Variants in NAE1 observed in about 807,000 individuals in gnomAD.
NAE1 encodes NEDD8-activating enzyme E1 regulatory subunit.
A neutral mutation model predicts 88.0 loss-of-function variants in NAE1; 59 were observed. That is an observed-to-expected ratio of 0.67 (90% CI 0.54 to 0.83). NAE1 has a LOEUF of 0.83. Ranked by LOEUF, NAE1 falls within the 40% of genes least tolerant of loss-of-function variation. NAE1 has a pLI of 0.00. For synonymous variants in NAE1, 186 were observed against 208.9 expected (o/e 0.89, Z 0.95); for missense variants, 554 against 632.8 (o/e 0.88, Z 1.34).
chr16:66,827,896 G>T, intron 1 of NAE1: 4 of 1,197,566 alleles, frequency 3.3e-6, no homozygotes, highest in South Asian at 2.5e-5. Context: ...ATGTTATCCA[G>T]ACTGGTCTTG....
intron 3 of NAE1, 67 bp downstream of exon 3, chr16:66,826,456 G>A (rs1429416490): frequency 1.1e-5 from 16 of 1,430,888 alleles, no homozygotes; most frequent in Non-Finnish European, 1.6e-5. Flanking sequence ...CCTGACTGAG[G>A]AGGTGAAGCT....
chr16:66,813,934 T>C (rs1461929910), intron 11 of NAE1, 88 bp from the exon 12 acceptor site: 29 of 1,240,008 alleles, frequency 2.3e-5, no homozygotes, highest in South Asian at 4.1e-5. Flanking sequence ...GATATGTTCT[T>C]TGAATTCTCA....
At chr16:66,810,326 G>A in intron 15 of NAE1, 48 bp downstream of exon 15, 2 of 1,436,820 alleles carry the variant, frequency 1.4e-6, no homozygotes, top group East Asian at 2.3e-5. Context: ...ATTCCCTGTG[G>A]CACATTTCTA....
At chr16:66,827,127 T>A (rs1597051673) in intron 1 of NAE1, among the ~76,000 whole-genome samples, 1 of 152,126 alleles carries the variant, frequency 6.6e-6, no homozygotes, top group African/African-American at 2.4e-5. Flanking sequence ...TTCTATTTCA[T>A]TTATTCTTTG....
intron 3 of NAE1, 57 bp from the exon 4 acceptor site, chr16:66,824,942 GT>G: frequency 6.7e-7 from 1 of 1,498,790 alleles, no homozygotes; most frequent in Non-Finnish European, 9.1e-7. Flanking sequence ...TAAAGGAAAA[GT>G]TGTTTGTAAT....
At position 66,810,875 on chromosome 16, in the gene NAE1, G is replaced by T. The variant is rs1959769350; in HGVS notation, c.1035-103C>A. 5.3e-6 allele frequency: 5 copies of T among 947,270 alleles called. No homozygotes were observed. The Admixed American group carries it at 7.8e-5, about 15-fold the overall frequency. 58.7% of individuals were successfully genotyped at this position (947,270 alleles called of 1,614,324 possible). A position where few individuals can be genotyped will look rare whatever the true frequency, so the allele number is the denominator to read the frequency against. ...TCTTTCCTTTTCATGAAAAAACACA[G>T]GTCTGACAATGTATGAAATGTGAAA... On this transcript the variant is annotated intron_variant, in intron 13 of 19. Coordinates refer to ENST00000290810, the MANE Select transcript of NAE1 (RefSeq NM_003905.4).
chr16:66,813,516 A>T (rs758569658), intron 13 of NAE1, 48 bp downstream of exon 13: 2 of 1,548,072 alleles, frequency 1.3e-6, no homozygotes, highest in African/African-American at 2.8e-5. Context: ...GTTTATCTCT[A>T]ATATAATCAG....
chr16:66,824,795 A>G (rs1367203705), intron 4 of NAE1, 60 bp downstream of exon 4: 2 of 1,441,190 alleles, frequency 1.4e-6, no homozygotes, highest in Non-Finnish European at 1.9e-6. Flanking sequence ...CTTTTCAAGC[A>G]ATCAAAACAC....
intron 9 of NAE1, 67 bp from the exon 10 acceptor site, chr16:66,817,095 A>T: frequency 6.6e-7 from 1 of 1,519,676 alleles, no homozygotes; most frequent in South Asian, 1.3e-5. Flanking sequence ...GAAAGTCTAA[A>T]GTGTCCCCCA....
At chr16:66,815,457 G>A (rs538921621) in intron 11 of NAE1, among the ~76,000 whole-genome samples, 17 of 152,126 alleles carry the variant, frequency 1.1e-4, no homozygotes, top group East Asian at 1.9e-4. Flanking sequence ...AGGCTCAAGC[G>A]ATCCTCCCAC....
rs751798129 is a variant in NAE1 at position 66,823,255 on chromosome 16, C to G, written c.373G>C (p.Val125Leu). 1 of 1,603,832 alleles carries G rather than the reference C, an allele frequency of 6.2e-7. No homozygotes were observed. The highest frequency in any genetic ancestry group is 1.1e-5 in the South Asian group (1 of 88,068). The change falls in exon 6 of 20, where the codon GTT (valine) becomes CTT (leucine). Residue 125 changes from valine to leucine, a missense_variant. Physicochemically the swap from Val to Leu is conservative, Grantham distance 32 (BLOSUM62 1). Coordinates refer to ENST00000290810, the MANE Select transcript of NAE1 (RefSeq NM_003905.4). ...NDPSFFCRFT[V>L]VVATQLPEST... is the part of the protein sequence containing the mutation. Reference sequence around the variant, plus strand: ...TCAGGAAGCTGAGTTGCAACTACAACAGTAAACCTACAGAAAAATGAGGGA... The same window carrying G: ...TCAGGAAGCTGAGTTGCAACTACAAGAGTAAACCTACAGAAAAATGAGGGA...
intron 1 of NAE1, chr16:66,827,879 TCTTA>T (rs1597052353): frequency 2.0e-6 from 2 of 982,412 alleles, no homozygotes; most frequent in Non-Finnish European, 3.1e-6. Context: ...TGATACAGGG[TCTTA>T]CTATGTTATC....
chr16:66,826,604 A>C (rs1369175587), intron 2 of NAE1, 21 bp from the exon 3 acceptor site: 1 of 1,614,144 alleles, frequency 6.2e-7, no homozygotes, highest in Non-Finnish European at 8.5e-7. Context: ...AAACAGAGTC[A>C]GTCAGGAATA....
intron 15 of NAE1, among the ~76,000 whole-genome samples, chr16:66,809,835 G>A (rs998198787): frequency 1.3e-5 from 2 of 152,098 alleles, no homozygotes; most frequent in African/African-American, 4.8e-5. Flanking sequence ...TCTTCAGATG[G>A]CATGCACAAC....
chr16:66,821,237 G>A (rs1207322216), intron 7 of NAE1, among the ~76,000 whole-genome samples: 3 of 152,156 alleles, frequency 2.0e-5, no homozygotes, highest in Non-Finnish European at 4.4e-5. Flanking sequence ...TGAAGAAGCT[G>A]TGCCTGTGGT....
At chr16:66,806,224 A>T (rs1396412942) in intron 17 of NAE1, 198 bp from the exon 18 acceptor site, 1 of 506,146 alleles carries the variant, frequency 2.0e-6, no homozygotes, top group Non-Finnish European at 3.2e-6. Flanking sequence ...TAAAAATTTG[A>T]ATTTAATTAA....
chr16:66,802,974 A>T lies in NAE1; in HGVS notation c.*35T>A. The T allele has an allele frequency of 7.6e-7, 1 of 1,318,358 alleles. No individual in the cohort carries two copies. Among genetic ancestry groups the T allele is most frequent in the Non-Finnish European group, 1.1e-6 (1 of 912,644 alleles). The allele number at this position is 1,318,358 out of a possible 1,614,324, so 81.7% of individuals were successfully genotyped here. On this transcript the variant is annotated 3_prime_UTR_variant, in exon 20 of 20. Coordinates refer to ENST00000290810, the MANE Select transcript of NAE1 (RefSeq NM_003905.4). ...ACAACCCGAAGGCAATTACAGTTTC[A>T]ATCATTAACACACTACTTAAGGTGC...
intron 1 of NAE1, among the ~76,000 whole-genome samples, chr16:66,829,929 A>G (rs1225433771): frequency 6.6e-6 from 1 of 152,208 alleles, no homozygotes; most frequent in Non-Finnish European, 1.5e-5. Context: ...TCTGTCACCC[A>G]GGCTGGAGTG....
chr16:66,815,364 A>G (rs1960001951), intron 11 of NAE1, among the ~76,000 whole-genome samples: 1 of 152,138 alleles, frequency 6.6e-6, no homozygotes, highest in Non-Finnish European at 1.5e-5. Flanking sequence ...AAGCACATTT[A>G]TTTTTTGGAC....
Sources: gnomAD v4.1 joint callset for allele counts (sites outside exome capture counted in the v4.1 genomes callset) on GRCh38, gnomAD v4.1.1 for gene constraint, MANE v1.5 for transcripts, NCBI Gene and HGNC (gene_info 2026-07-23, HGNC 2026-07-21) for gene names.